Variants in MAGEC1 observed in about 807,000 individuals in gnomAD.
The protein encoded by MAGEC1 is melanoma-associated antigen C1.
In MAGEC1, 3 loss-of-function variants were observed where a neutral mutation model predicts 1.5. The ratio of observed to expected loss-of-function variants is 1.97; its 90% CI spans 0.90 to 5.10. The LOEUF (loss-of-function observed/expected upper bound fraction) is 5.10. Ranked by LOEUF, MAGEC1 falls within the 30% of genes most tolerant of loss-of-function variation. The pLI, the probability that MAGEC1 is intolerant of heterozygous loss-of-function variation, is 0.02. For synonymous variants in MAGEC1, 357 were observed against 310.4 expected, an observed-to-expected ratio of 1.15 and a Z score of -1.58; for missense variants, 985 against 803.1, an observed-to-expected ratio of 1.23 and a Z score of -2.74.
intron 1 of MAGEC1, among the ~76,000 whole-genome samples, 197 bp downstream of exon 1, chrX:141,904,175 A>C (rs1421902295): frequency 8.9e-6 from 1 of 111,874 alleles, no homozygotes; most frequent in Non-Finnish European, 1.9e-5. Flanking sequence ...ATTGAGGAGG[A>C]CCGGGGGAAC....
chrX:141,907,916 A>C lies in MAGEC1; in HGVS notation c.2512A>C (p.Thr838Pro). Reference protein sequence around the residue: ...SSPVSSFPSSTSSSLSKSSPE... With the variant: ...SSPVSSFPSSPSSSLSKSSPE... ...TCCTGTGAGCTCCTTCCCCTCCTCC[A>C]CTTCATCGAGTCTTTCCAAGAGTTC... Residue 838 changes from threonine to proline, a missense_variant, in exon 4 of 4, where the codon ACT (threonine) becomes CCT (proline). Thr to Pro is a conservative substitution (Grantham distance 38). Coordinates refer to ENST00000285879, the MANE Select transcript of MAGEC1 (RefSeq NM_005462.5). 8.3e-7 allele frequency: 1 copy of C among 1,208,090 alleles called. No homozygotes were observed. The highest frequency in any genetic ancestry group is 1.8e-5 in the African/African-American group (1 of 56,633).
In MAGEC1 at chrX:141,907,109, C is replaced by T; in HGVS notation, c.1705C>T (p.Pro569Ser). The change falls in exon 4 of 4, where the codon CCT becomes TCT. Residue 569 changes from proline (P) to serine (S), a missense_variant. Transcript: ENST00000285879. ...LSPHYFPQSP[P>S]QGEDSLSPHY... The stretch of plus-strand genomic sequence containing the variant: ...TCCTCACTACTTTCCTCAGAGCCCT[C>T]CTCAGGGGGAGGACTCCCTGTCTCC... 3.3e-6 allele frequency: 4 copies of T among 1,203,042 alleles called. No individual in the cohort carries two copies. The highest frequency in any genetic ancestry group is 1.8e-5 in the South Asian group (1 of 56,583).
Position 141,906,191 on chromosome X carries a change from T to C in MAGEC1, c.787T>C (p.Phe263Leu). The change falls in exon 4 of 4, where the codon TTT becomes CTT. Residue 263 changes from phenylalanine to leucine, a missense_variant. Coordinates refer to ENST00000285879, the MANE Select transcript of MAGEC1 (RefSeq NM_005462.5). Reference protein sequence around the residue: ...SERTQSTFEGFAQSSLQIPVS... With the variant: ...SERTQSTFEGLAQSSLQIPVS... Reference sequence around the variant, plus strand: ...GAGAACTCAGAGTACTTTTGAGGGTTTTGCCCAGTCTTCTCTCCAGATTCC... The same window carrying C: ...GAGAACTCAGAGTACTTTTGAGGGTCTTGCCCAGTCTTCTCTCCAGATTCC... The C allele has an allele frequency of 1.3e-6, 1 of 755,877 alleles. No individual in the cohort carries two copies. 62.3% of individuals were successfully genotyped at this position (755,877 alleles called of 1,213,427 possible).
chrX:141,904,396 G>A (rs761113512), intron 1 of MAGEC1, among the ~76,000 whole-genome samples: 5 of 110,590 alleles, frequency 4.5e-5, no homozygotes, highest in Non-Finnish European at 9.5e-5. Flanking sequence ...AGATTCCCAG[G>A]CCCTGCTGGG....
chrX:141,907,412 A>G lies in MAGEC1; in HGVS notation c.2008A>G (p.Met670Val), dbSNP rs748352894. The G allele has an allele frequency of 1.7e-6, 2 of 1,177,233 alleles. No individual in the cohort carries two copies. Among genetic ancestry groups the G allele is most frequent in the East Asian group, 3.1e-5 (1 of 32,494 alleles). ...LHSPQSPPEG[M>V]HSQSPLQSPE... Reference sequence around the variant, plus strand: ...TAGTCCTCAGAGCCCTCCTGAGGGGATGCACTCCCAATCTCCTCTCCAGAG... The same window carrying G: ...TAGTCCTCAGAGCCCTCCTGAGGGGGTGCACTCCCAATCTCCTCTCCAGAG... The change falls in exon 4 of 4, where the codon ATG (methionine) becomes GTG (valine). Residue 670 changes from methionine (M) to valine (V), a missense_variant. Coordinates refer to ENST00000285879, the MANE Select transcript of MAGEC1 (RefSeq NM_005462.5).
In MAGEC1 at chrX:141,908,273, A is replaced by G; in HGVS notation, c.2869A>G (p.Ile957Val). 1 of 1,211,654 alleles carries G rather than the reference A, an allele frequency of 8.3e-7. No individual in the cohort carries two copies. The highest frequency in any genetic ancestry group is 1.1e-6 in the Non-Finnish European group (1 of 895,425). ...PVIFRKAREF[I>V]EILFGISLRE... ...GATCTTCAGGAAAGCCCGTGAGTTC[A>G]TAGAGATACTTTTTGGCATTTCCCT... The change falls in exon 4 of 4, where the codon ATA (isoleucine) becomes GTA (valine). Residue 957 changes from isoleucine (I) to valine (V), a missense_variant. Physicochemically the swap from Ile to Val is conservative, Grantham distance 29 (BLOSUM62 3). Transcript: ENST00000285879.
At chrX:141,904,150 A>T (rs1301374892) in intron 1 of MAGEC1, among the ~76,000 whole-genome samples, 172 bp downstream of exon 1, 1 of 111,708 alleles carries the variant, frequency 9.0e-6, no homozygotes, top group African/African-American at 3.3e-5. Context: ...CCCTCTAGAG[A>T]ATAAATAGGA....
rs776366772 is a variant in MAGEC1 at position 141,904,963 on chromosome X, T to G, written c.-103-7T>G. 70 of 1,145,625 alleles carry G rather than the reference T, an allele frequency of 6.1e-5. No homozygotes were observed. The South Asian group carries it at 1.3e-3, about 21-fold the overall frequency. The allele number at this position is 1,145,625 out of a possible 1,213,427, so 94.4% of individuals were successfully genotyped here. A position where few individuals can be genotyped will look rare whatever the true frequency, so the allele number is the denominator to read the frequency against. On this transcript the variant is annotated splice_polypyrimidine_tract_variant and splice_region_variant and intron_variant, in intron 2 of 3. Coordinates refer to ENST00000285879, the MANE Select transcript of MAGEC1 (RefSeq NM_005462.5). ...GCCCCGAGGTGCTTTCTCGCGTCCTTCTACAGGTTCCCAGAAGACAAACCC... is the reference window on the plus strand; with the variant it reads ...GCCCCGAGGTGCTTTCTCGCGTCCTGCTACAGGTTCCCAGAAGACAAACCC...
Position 141,906,789 on chromosome X carries a change from C to T in MAGEC1, c.1385C>T (p.Ser462Phe), listed in dbSNP as rs1193712433. 2 of 1,199,508 alleles carry T rather than the reference C, an allele frequency of 1.7e-6. No individual in the cohort carries two copies. Among genetic ancestry groups the T allele is most frequent in the East Asian group, 3.0e-5 (1 of 33,681 alleles). The change falls in exon 4 of 4, where the codon TCC becomes TTC. Residue 462 changes from serine to phenylalanine, a missense_variant. By Grantham distance (155) the Ser-to-Phe change is radical. Coordinates refer to ENST00000285879, the MANE Select transcript of MAGEC1 (RefSeq NM_005462.5). ...ACTTTATTGAGTCTTTTCCAGAGTT[C>T]CCCTGAGAGAACTCACAGTACTTTT... ...SYTLLSLFQS[S>F]PERTHSTFEG...
intron 3 of MAGEC1, 142 bp from the exon 4 acceptor site, chrX:141,905,267 G>A: frequency 2.4e-6 from 2 of 837,253 alleles, no homozygotes; most frequent in Admixed American, 2.6e-5. Flanking sequence ...ACTGGAGTTG[G>A]TAGATGCAGA....
At position 141,903,932 on chromosome X, in the gene MAGEC1, T is replaced by C. The variant is rs1368125597; in HGVS notation, c.-248T>C. 7.7e-6 allele frequency: 1 copy of C among 130,217 alleles called. No individual in the cohort carries two copies. Among genetic ancestry groups the C allele is most frequent in the African/African-American group, 3.4e-5 (1 of 29,068 alleles). 10.7% of individuals were successfully genotyped at this position (130,217 alleles called of 1,213,427 possible). A position where few individuals can be genotyped will look rare whatever the true frequency, so the allele number is the denominator to read the frequency against. Reference sequence around the variant, plus strand: ...GAGGCATTTTGTGACGAGGATCGTCTCAGGTCAGCGGAGGGAGGAGACTTA... The same window carrying C: ...GAGGCATTTTGTGACGAGGATCGTCCCAGGTCAGCGGAGGGAGGAGACTTA... On this transcript the variant is annotated 5_prime_UTR_variant, in exon 1 of 4. Transcript: ENST00000285879.
chrX:141,905,196 C>T lies in MAGEC1; in HGVS notation c.4+120C>T, dbSNP rs1249343791. 2.8e-6 allele frequency: 3 copies of T among 1,084,757 alleles called. No individual in the cohort carries two copies. The African/African-American group carries it at 5.5e-5, about 20-fold the overall frequency. The allele number at this position is 1,084,757 out of a possible 1,213,427, so 89.4% of individuals were successfully genotyped here. ...TGCTCCTGAACAATATTCATCATGC[C>T]TCTCTTTCTAAACCTTCCACGCCCC... is the stretch of plus-strand genomic sequence containing the variant. On this transcript the variant is annotated intron_variant, in intron 3 of 3. Transcript: ENST00000285879.
In MAGEC1 at chrX:141,907,476, C is replaced by T; in HGVS notation, c.2072C>T (p.Pro691Leu). 1 of 1,206,325 alleles carries T rather than the reference C, an allele frequency of 8.3e-7. No individual in the cohort carries two copies. Among genetic ancestry groups the T allele is most frequent in the Non-Finnish European group, 1.1e-6 (1 of 893,229 alleles). The change falls in exon 4 of 4, where the codon CCT becomes CTT. Residue 691 changes from proline to leucine, a missense_variant. By Grantham distance (98) the Pro-to-Leu change is moderately conservative. Transcript: ENST00000285879. ...CCTGAGGGGGAGGATTCCCTGTCTC[C>T]TCTCCAAATTCCTCAGAGTCCTCTT... ...SAPEGEDSLSPLQIPQSPLEG... is the reference protein window; with the variant it reads ...SAPEGEDSLSLLQIPQSPLEG...
chrX:141,904,987 C>G lies in MAGEC1; in HGVS notation c.-86C>G, dbSNP rs899905411. On this transcript the variant is annotated 5_prime_UTR_variant, in exon 3 of 4. Transcript: ENST00000285879. ...TTCTACAGGTTCCCAGAAGACAAAC[C>G]CCCTAGGAAGACAGGCGACCTGTGA... 42 of 1,198,348 alleles carry G rather than the reference C, an allele frequency of 3.5e-5. No individual in the cohort carries two copies. The highest frequency in any genetic ancestry group is 4.7e-5 in the Non-Finnish European group (42 of 884,397).
chrX:141,906,411 C>G lies in MAGEC1; in HGVS notation c.1007C>G (p.Ser336Cys), dbSNP rs754777993. ...AGTACTTTTGAGGGTTTTCCCCAGT[C>G]TCTTCTCCAGATTCCTATGACCTCC... ...THSTFEGFPQ[S>C]LLQIPMTSSF... is the part of the protein sequence containing the mutation. Residue 336 changes from serine (S) to cysteine (C), a missense_variant, in exon 4 of 4, where the codon TCT (serine) becomes TGT (cysteine). By Grantham distance (112) the Ser-to-Cys change is moderately radical. Coordinates refer to ENST00000285879, the MANE Select transcript of MAGEC1 (RefSeq NM_005462.5). The G allele has an allele frequency of 7.6e-6, 9 of 1,189,646 alleles. No individual in the cohort carries two copies. The South Asian group carries it at 9.0e-5, about 12-fold the overall frequency.
rs1015345095 is a variant in MAGEC1 at position 141,903,954 on chromosome X, C to T, written c.-226C>T. On this transcript the variant is annotated 5_prime_UTR_variant, in exon 1 of 4. Coordinates refer to ENST00000285879, the MANE Select transcript of MAGEC1 (RefSeq NM_005462.5). ...GTCTCAGGTCAGCGGAGGGAGGAGA[C>T]TTATAGACCTATCCAGTCTTCAAGG... The T allele has an allele frequency of 2.6e-5, 3 of 116,144 alleles. No homozygotes were observed. Among genetic ancestry groups the T allele is most frequent in the East Asian group, 2.2e-4 (1 of 4,454 alleles). The allele number at this position is 116,144 out of a possible 1,213,427, so 9.6% of individuals were successfully genotyped here. A position where few individuals can be genotyped will look rare whatever the true frequency, so the allele number is the denominator to read the frequency against.
chrX:141,907,190 C>T lies in MAGEC1; in HGVS notation c.1786C>T (p.Pro596Ser). 8.3e-7 allele frequency: 1 copy of T among 1,209,690 alleles called. No individual in the cohort carries two copies. The highest frequency in any genetic ancestry group is 1.1e-6 in the Non-Finnish European group (1 of 894,784). Reference sequence around the variant, plus strand: ...GGACTCCCTGTCTCCTCACTACTTTCCTCAGAGCCCTCCTCAGGGGGAGGA... The same window carrying T: ...GGACTCCCTGTCTCCTCACTACTTTTCTCAGAGCCCTCCTCAGGGGGAGGA... The part of the protein sequence containing the change: ...GEDSLSPHYF[P>S]QSPPQGEDSM... Residue 596 changes from proline to serine, a missense_variant, in exon 4 of 4, where the codon CCT (proline) becomes TCT (serine). Physicochemically the swap from Pro to Ser is moderately conservative, Grantham distance 74. Transcript: ENST00000285879.
intron 1 of MAGEC1, 124 bp from the exon 2 acceptor site, chrX:141,904,593 G>C (rs2018165346): frequency 7.6e-6 from 1 of 130,887 alleles, no homozygotes; most frequent in African/African-American, 3.2e-5. Flanking sequence ...CCCTGTCTGA[G>C]AAAATGTGAC....
In MAGEC1 at chrX:141,906,533, GGGAGCCCCTCCTTCTCCTCCACTTTAC is replaced by G. The variant is rs1926904024; in HGVS notation, c.1130_1156del (p.Gly377_Leu386delinsVal). 8.4e-7 allele frequency: 1 copy of G among 1,191,065 alleles called. No individual in the cohort carries two copies. The highest frequency in any genetic ancestry group is 1.9e-5 in the African/African-American group (1 of 53,568). On this transcript the variant is annotated inframe_deletion, in exon 4 of 4. Transcript: ENST00000285879. Reference sequence around the variant, plus strand: ...TCCCCAGTCTCCTCTCCAGATTCCTGGGAGCCCCTCCTTCTCCTCCACTTTACTGAGTCTTTTCCAGAGTTCCCCTGA... The same window carrying G: ...TCCCCAGTCTCCTCTCCAGATTCCTGTGAGTCTTTTCCAGAGTTCCCCTGA...
Sources: allele counts gnomAD v4.1 joint callset (sites outside exome capture counted in the v4.1 genomes callset), GRCh38; gene constraint gnomAD v4.1.1; transcripts MANE v1.5; gene names NCBI Gene and HGNC (gene_info 2026-07-23, HGNC 2026-07-21).